The following SORCS2 variants were observed in gnomAD, a reference collection of about 807,000 sequenced individuals.
The protein encoded by SORCS2 is VPS10 domain-containing receptor SorCS2.
Under a neutral mutation model 141.6 loss-of-function variants are expected in SORCS2, and 100 were observed. The ratio of observed to expected loss-of-function variants is 0.71; its 90% CI spans 0.60 to 0.83. The LOEUF (loss-of-function observed/expected upper bound fraction) is 0.83, where lower values mean the gene tolerates loss of function less well. Among genes scored for constraint, SORCS2 ranks in the 40% least tolerant of loss-of-function variants. SORCS2 has a pLI of 0.00. For missense variants in SORCS2, 1,646 were observed against 1,560.2 expected (o/e 1.05, Z -0.93); for synonymous variants, 789 against 676.9 (o/e 1.17, Z -2.57).
chr4:7,722,796 T>C (rs188062364), intron 18 of SORCS2, among the ~76,000 whole-genome samples: 1 of 152,334 alleles, frequency 6.6e-6, no homozygotes, highest in East Asian at 1.9e-4. Context: ...GAAAGTTAAG[T>C]GAACAGAATT....
chr4:7,226,044 A>G (rs1454603566), intron 1 of SORCS2, among the ~76,000 whole-genome samples: 3 of 152,146 alleles, frequency 2.0e-5, no homozygotes, highest in Non-Finnish European at 4.4e-5. Context: ...GAACTCCGCC[A>G]CCGTGAGAAA....
At chr4:7,728,296 G>T (rs543951720) in intron 21 of SORCS2, 54 bp from the exon 22 acceptor site, 8 of 1,410,894 alleles carry the variant, frequency 5.7e-6, no homozygotes, top group Admixed American at 1.9e-5. Context: ...CCCTGGAGCC[G>T]TCAGAGCCAG....
chr4:7,678,444 G>T (rs113396275), intron 9 of SORCS2, among the ~76,000 whole-genome samples: 23 of 142,224 alleles, frequency 1.6e-4, no homozygotes, highest in Middle Eastern at 4.7e-3. Context: ...GAGCCTGACT[G>T]CCCGGGGTTC....
intron 2 of SORCS2, among the ~76,000 whole-genome samples, chr4:7,424,516 G>A (rs1211159500): frequency 6.6e-6 from 1 of 152,218 alleles, no homozygotes; most frequent in Non-Finnish European, 1.5e-5. Flanking sequence ...AGGAAATGCA[G>A]GCTTGGAAAG....
chr4:7,409,063 A>G lies in SORCS2; in HGVS notation c.548+12708A>G, dbSNP rs959322977. The stretch of plus-strand genomic sequence containing the variant: ...AGCTCACGTATCATCATCTCATTAG[A>G]GTCAGTTACTGGTTTCTTACTTTGT... On this transcript the variant is annotated intron_variant, in intron 2 of 26. Coordinates refer to ENST00000507866, the MANE Select transcript of SORCS2 (RefSeq NM_020777.3). Among the ~76,000 whole-genome samples the G allele has an allele frequency of 2.0e-5, 3 of 152,150 alleles. No individual in the cohort carries two copies. The East Asian group carries it at 5.8e-4, about 29-fold the overall frequency.
In SORCS2 at chr4:7,718,203, C is replaced by T; in HGVS notation, c.2424+20C>T. 6.2e-7 allele frequency: 1 copy of T among 1,604,214 alleles called. No individual in the cohort carries two copies. The highest frequency in any genetic ancestry group is 2.2e-5 in the East Asian group (1 of 44,500). ...GAGCAGGTGAGTGAGCACCTCCCAG[C>T]AGGCTCCTGGGACTGTCGGGCAGGG... is the stretch of plus-strand genomic sequence containing the variant. On this transcript the variant is annotated intron_variant, in intron 18 of 26. Coordinates refer to ENST00000507866, the MANE Select transcript of SORCS2 (RefSeq NM_020777.3).
At chr4:7,661,403 C>G in intron 5 of SORCS2, 97 bp from the exon 6 acceptor site, 2 of 1,343,754 alleles carry the variant, frequency 1.5e-6, no homozygotes, top group Non-Finnish European at 2.1e-6. Flanking sequence ...GGCTTCAGAA[C>G]CAGGGAGGCC....
At chr4:7,545,478 A>C (rs1713184747) in intron 3 of SORCS2, among the ~76,000 whole-genome samples, 1 of 152,114 alleles carries the variant, frequency 6.6e-6, no homozygotes, top group African/African-American at 2.4e-5. Flanking sequence ...AGGGGGACCT[A>C]AGAGAGACAG....
intron 1 of SORCS2, among the ~76,000 whole-genome samples, chr4:7,293,239 G>A (rs1486469874): frequency 6.6e-6 from 1 of 151,870 alleles, no homozygotes; most frequent in Admixed American, 6.6e-5. Flanking sequence ...AGGAGGTGGA[G>A]CTTGCAGTGA....
intron 1 of SORCS2, among the ~76,000 whole-genome samples, chr4:7,240,552 G>A (rs1263071897): frequency 6.6e-6 from 1 of 152,168 alleles, no homozygotes; most frequent in Admixed American, 6.5e-5. Flanking sequence ...TGGGAACTGC[G>A]CAATGCTGGG....
At chr4:7,688,921 C>G (rs1247915629) in intron 10 of SORCS2, among the ~76,000 whole-genome samples, 1 of 152,220 alleles carries the variant, frequency 6.6e-6, no homozygotes, top group Non-Finnish European at 1.5e-5. Flanking sequence ...ACCCACCCCT[C>G]TGTATCTCAA....
chr4:7,507,202 G>C (rs1275048580), intron 2 of SORCS2, among the ~76,000 whole-genome samples: 1 of 119,990 alleles, frequency 8.3e-6, no homozygotes, highest in Admixed American at 7.4e-5. Context: ...TTGAGAAGGA[G>C]TCTTGCTCTG....
chr4:7,544,073 C>T (rs1225403690), intron 3 of SORCS2, among the ~76,000 whole-genome samples: 3 of 146,664 alleles, frequency 2.0e-5, no homozygotes, highest in Non-Finnish European at 4.6e-5. Context: ...TCCATCCACC[C>T]ATCCATCCAT....
At chr4:7,528,310 C>G (rs1733825811) in intron 2 of SORCS2, among the ~76,000 whole-genome samples, 1 of 151,890 alleles carries the variant, frequency 6.6e-6, no homozygotes. Context: ...CTAGTGTCTG[C>G]AGGAGTTGGA....
chr4:7,555,898 C>T (rs1226059296), intron 3 of SORCS2, among the ~76,000 whole-genome samples: 1 of 152,202 alleles, frequency 6.6e-6, no homozygotes, highest in Non-Finnish European at 1.5e-5. Flanking sequence ...GAAAGCTGTT[C>T]ACAGGGACAG....
At chr4:7,705,444 G>A (rs912871412) in intron 14 of SORCS2, among the ~76,000 whole-genome samples, 2 of 152,342 alleles carry the variant, frequency 1.3e-5, no homozygotes, top group African/African-American at 4.8e-5. Context: ...CGAGGCTGCC[G>A]CGACAGCCCA....
At chr4:7,669,189 A>ACTT (rs1165719899) in intron 8 of SORCS2, among the ~76,000 whole-genome samples, 1 of 152,172 alleles carries the variant, frequency 6.6e-6, no homozygotes. Flanking sequence ...AAGACTCAAG[A>ACTT]GACTCTCACA....
intron 1 of SORCS2, among the ~76,000 whole-genome samples, chr4:7,249,371 G>GA (rs1285426832): frequency 2.6e-5 from 4 of 151,862 alleles, no homozygotes; most frequent in African/African-American, 9.7e-5. Context: ...AGTGGAAGTG[G>GA]AAAAAAAAGT....
chr4:7,211,331 G>T (rs560463052), intron 1 of SORCS2, among the ~76,000 whole-genome samples: 1 of 152,224 alleles, frequency 6.6e-6, no homozygotes, highest in South Asian at 2.1e-4. Flanking sequence ...CGGGGGGCAG[G>T]CCATGGCGCT....
Sources: gnomAD v4.1 joint callset for allele counts (sites outside exome capture counted in the v4.1 genomes callset) on GRCh38, gnomAD v4.1.1 for gene constraint, MANE v1.5 for transcripts, NCBI Gene and HGNC (gene_info 2026-07-23, HGNC 2026-07-21) for gene names.